Variants in RNF111 observed in about 807,000 individuals in gnomAD.
RNF111 encodes the protein E3 ubiquitin-protein ligase Arkadia.
RNF111 carries 17 observed loss-of-function variants against 95.1 expected under a neutral mutation model. The observed-to-expected ratio is 0.18, with a 90% CI of 0.12 to 0.27. RNF111 has a LOEUF of 0.27. Among genes scored for constraint, RNF111 ranks in the 10% least tolerant of loss-of-function variants. RNF111 has a pLI of 1.00. For missense variants in RNF111, 1,189 were observed against 1,210.4 expected (o/e 0.98, Z 0.26); for synonymous variants, 440 against 414.8 (o/e 1.06, Z -0.74).
At chr15:59,052,978 A>T (rs1414052867) in intron 3 of RNF111, among the ~76,000 whole-genome samples, 1 of 152,172 alleles carries the variant, frequency 6.6e-6, no homozygotes. Flanking sequence ...ATACATAAAT[A>T]TTGGGGATGG....
intron 10 of RNF111, among the ~76,000 whole-genome samples, chr15:59,089,268 A>G (rs1471646920): frequency 6.6e-6 from 1 of 152,178 alleles, no homozygotes; most frequent in Non-Finnish European, 1.5e-5. Flanking sequence ...ATCAAGCAAA[A>G]AAGGCATAGG....
chr15:59,057,790 C>T (rs1203997818), intron 4 of RNF111, among the ~76,000 whole-genome samples: 4 of 152,158 alleles, frequency 2.6e-5, no homozygotes, highest in Non-Finnish European at 5.9e-5. Flanking sequence ...AGGCATCATA[C>T]GAAGTATGTG....
chr15:59,054,535 A>G (rs1194186103), intron 3 of RNF111, among the ~76,000 whole-genome samples: 1 of 152,046 alleles, frequency 6.6e-6, no homozygotes, highest in Non-Finnish European at 1.5e-5. Context: ...ATACAAAACC[A>G]TTTTATCCCA....
At chr15:59,061,681 C>T (rs561483426) in intron 5 of RNF111, among the ~76,000 whole-genome samples, 1 of 152,138 alleles carries the variant, frequency 6.6e-6, no homozygotes, top group Non-Finnish European at 1.5e-5. Flanking sequence ...TGTGCTCTAC[C>T]TCTTATCCTT....
At chr15:59,009,415 A>G (rs571173005) in intron 1 of RNF111, among the ~76,000 whole-genome samples, 2 of 152,090 alleles carry the variant, frequency 1.3e-5, no homozygotes, top group South Asian at 2.1e-4. Context: ...GCTTTTTACA[A>G]GTGACCAAAT....
intron 11 of RNF111, 121 bp from the exon 12 acceptor site, chr15:59,090,938 A>C: frequency 1.8e-6 from 1 of 567,490 alleles, no homozygotes; most frequent in East Asian, 2.9e-5. Context: ...AGTTTTTTTG[A>C]ACACTGTATT....
chr15:58,991,067 G>A (rs1205960918), intron 1 of RNF111, among the ~76,000 whole-genome samples: 1 of 152,006 alleles, frequency 6.6e-6, no homozygotes, highest in Non-Finnish European at 1.5e-5. Flanking sequence ...AAGCCGAGGC[G>A]GGTAGATCAT....
chr15:58,998,940 A>C (rs186282264), intron 1 of RNF111, among the ~76,000 whole-genome samples: 1 of 152,236 alleles, frequency 6.6e-6, no homozygotes, highest in African/African-American at 2.4e-5. Flanking sequence ...TGAAAGATCT[A>C]TGTAAAGTGC....
intron 1 of RNF111, among the ~76,000 whole-genome samples, chr15:58,992,191 C>T (rs1011147422): frequency 6.6e-6 from 1 of 152,088 alleles, no homozygotes; most frequent in Non-Finnish European, 1.5e-5. Context: ...ATTACAGGAG[C>T]GCGCCACCAC....
chr15:59,050,699 A>G (rs2041939305), intron 2 of RNF111, among the ~76,000 whole-genome samples: 1 of 152,230 alleles, frequency 6.6e-6, no homozygotes, highest in South Asian at 2.1e-4. Flanking sequence ...CCATCATTAC[A>G]ATCAGTGCCA....
chr15:59,096,405 T>G lies in RNF111; in HGVS notation c.*1505T>G, dbSNP rs1315556081. On this transcript the variant is annotated 3_prime_UTR_variant, in exon 14 of 14. Transcript: ENST00000348370. ...CCACCTGCTTTGTAAGTGGATTGAT[T>G]AATAAATAACTTATATTTCTATTGT... The G allele has an allele frequency of 4.2e-6, 1 of 236,334 alleles. No homozygotes were observed. The highest frequency in any genetic ancestry group is 8.0e-6 in the Non-Finnish European group (1 of 124,250). The allele number at this position is 236,334 out of a possible 1,614,324, so 14.6% of individuals were successfully genotyped here. A position where few individuals can be genotyped will look rare whatever the true frequency, so the allele number is the denominator to read the frequency against.
intron 3 of RNF111, among the ~76,000 whole-genome samples, chr15:59,055,046 A>G (rs1205423912): frequency 6.6e-6 from 1 of 152,248 alleles, no homozygotes; most frequent in Non-Finnish European, 1.5e-5. Flanking sequence ...TGCCACACAC[A>G]TACTTAAATG....
chr15:59,075,359 T>C (rs1325812596), intron 6 of RNF111, among the ~76,000 whole-genome samples: 1 of 152,232 alleles, frequency 6.6e-6, no homozygotes, highest in African/African-American at 2.4e-5. Context: ...TATTCTTATG[T>C]TTTTGAACAA....
chr15:59,007,834 G>A (rs1480371413), intron 1 of RNF111, among the ~76,000 whole-genome samples: 1 of 152,074 alleles, frequency 6.6e-6, no homozygotes, highest in African/African-American at 2.4e-5. Flanking sequence ...TATTTTTTGT[G>A]GGGTTGTGTT....
intron 6 of RNF111, among the ~76,000 whole-genome samples, chr15:59,074,145 G>T (rs922016531): frequency 2.0e-5 from 3 of 152,134 alleles, no homozygotes; most frequent in African/African-American, 7.2e-5. Flanking sequence ...TCTAGGCTTT[G>T]TTGTTTGTTA....
At chr15:59,061,543 G>C (rs936056108) in intron 5 of RNF111, among the ~76,000 whole-genome samples, 51 of 152,138 alleles carry the variant, frequency 3.4e-4, no homozygotes, top group Non-Finnish European at 1.3e-4. Context: ...ATGAATAAAT[G>C]AAAGTTCTTA....
Position 59,055,740 on chromosome 15 carries a change from G to A in RNF111, c.1066G>A (p.Ala356Thr), listed in dbSNP as rs370256013. The A allele has an allele frequency of 3.1e-6, 5 of 1,613,788 alleles. No homozygotes were observed. In the African/African-American group the frequency reaches 5.3e-5, roughly 17 times the overall value. Reference protein sequence around the residue: ...SHWSQGSSSHASRPQEPRNRS... With the variant: ...SHWSQGSSSHTSRPQEPRNRS... ...TTGGAGCCAGGGTTCCAGTTCTCAT[G>A]CAAGTCGGCCACAGGAGCCACGGAA... is the stretch of plus-strand genomic sequence containing the variant. The change falls in exon 4 of 14, where the codon GCA (alanine) becomes ACA (threonine). Residue 356 changes from alanine to threonine, a missense_variant. Physicochemically the swap from Ala to Thr is moderately conservative, Grantham distance 58 (BLOSUM62 0). This residue lies in a region of RNF111 where 1,024 missense variants were observed against 925.9 expected (regional missense o/e 1.11). Transcript: ENST00000348370.
intron 1 of RNF111, among the ~76,000 whole-genome samples, chr15:59,024,727 T>C (rs1445481577): frequency 6.6e-6 from 1 of 152,242 alleles, no homozygotes; most frequent in African/African-American, 2.4e-5. Flanking sequence ...GTTTATAATT[T>C]GGCATTAAGT....
At chr15:59,017,180 T>C (rs1282199508) in intron 1 of RNF111, among the ~76,000 whole-genome samples, 1 of 151,904 alleles carries the variant, frequency 6.6e-6, no homozygotes, top group Non-Finnish European at 1.5e-5. Flanking sequence ...AAAATTGTCT[T>C]CTACGAATCC....
Sources: allele counts gnomAD v4.1 joint callset (sites outside exome capture counted in the v4.1 genomes callset), GRCh38; gene constraint gnomAD v4.1.1; regional missense constraint gnomAD v4.1.1; transcripts MANE v1.5; gene names NCBI Gene and HGNC (gene_info 2026-07-23, HGNC 2026-07-21).